Variants in MAST2 observed in about 807,000 individuals in gnomAD.
The protein encoded by MAST2 is microtubule-associated serine/threonine-protein kinase 2.
In MAST2, 70 loss-of-function variants were observed where a neutral mutation model predicts 147.4. The observed-to-expected ratio is 0.47, with a 90% CI of 0.39 to 0.58. The LOEUF is 0.58. Ranked by LOEUF, MAST2 falls within the 20% of genes least tolerant of loss-of-function variation. The pLI is 0.00. For synonymous variants in MAST2, 869 were observed against 896.8 expected (o/e 0.97, Z 0.55); for missense variants, 2,080 against 2,302.3 (o/e 0.90, Z 1.98).
chr1:45,952,235 A>T (rs1659032694), intron 4 of MAST2, among the ~76,000 whole-genome samples: 2 of 152,368 alleles, frequency 1.3e-5, no homozygotes, highest in East Asian at 1.9e-4. Context: ...TGCATGCCAC[A>T]ACATGCATGA....
At chr1:45,923,437 T>G (rs1653860210) in intron 4 of MAST2, among the ~76,000 whole-genome samples, 1 of 152,250 alleles carries the variant, frequency 6.6e-6, no homozygotes, top group Non-Finnish European at 1.5e-5. Context: ...TTACAAACTC[T>G]GAGCACTTAC....
chr1:45,872,287 C>CCCATAGTCA (rs1389414136), intron 3 of MAST2, among the ~76,000 whole-genome samples: 6 of 152,188 alleles, frequency 3.9e-5, no homozygotes, highest in Non-Finnish European at 8.8e-5. Flanking sequence ...ACGCTGGTGA[C>CCCATAGTCA]TGTTGACATA....
chr1:46,002,748 G>A (rs1264888957), intron 6 of MAST2, 57 bp from the exon 7 acceptor site: 1 of 1,501,098 alleles, frequency 6.7e-7, no homozygotes, highest in Non-Finnish European at 9.3e-7. Context: ...AGACAGGCAG[G>A]TTGTGGGTCA....
intron 24 of MAST2, 88 bp from the exon 25 acceptor site, chr1:46,032,090 G>T: frequency 9.9e-7 from 1 of 1,008,254 alleles, no homozygotes; most frequent in South Asian, 1.4e-5. Flanking sequence ...CTCTGTCTGT[G>T]ACTAGAGTTG....
intron 3 of MAST2, among the ~76,000 whole-genome samples, chr1:45,848,799 T>C (rs1054419693): frequency 9.9e-5 from 15 of 152,180 alleles, no homozygotes; most frequent in African/African-American, 3.6e-4. Context: ...TTATCCCTGT[T>C]TGTAGATGAC....
At chr1:46,010,119 C>G (rs950018248) in intron 9 of MAST2, among the ~76,000 whole-genome samples, 5 of 152,194 alleles carry the variant, frequency 3.3e-5, no homozygotes, top group African/African-American at 7.2e-5. Context: ...AAGCACCTGC[C>G]TAACTCCCTT....
intron 3 of MAST2, among the ~76,000 whole-genome samples, chr1:45,842,165 T>A (rs1645297960): frequency 6.6e-6 from 1 of 152,174 alleles, no homozygotes; most frequent in Non-Finnish European, 1.5e-5. Context: ...ACTGGGATTA[T>A]AGGAATGAGC....
intron 10 of MAST2, among the ~76,000 whole-genome samples, chr1:46,012,954 T>C (rs1645776287): frequency 6.6e-6 from 1 of 152,006 alleles, no homozygotes; most frequent in South Asian, 2.1e-4. Context: ...AATGACCAGC[T>C]GGCAGATGAA....
At position 46,030,625 on chromosome 1, in the gene MAST2, C is replaced by T. The variant is rs767311270; in HGVS notation, c.2572C>T (p.Arg858Trp). 80 of 1,610,174 alleles carry T rather than the reference C, an allele frequency of 5.0e-5. No homozygotes were observed. Among genetic ancestry groups the T allele is most frequent in the Middle Eastern group, 1.7e-4 (1 of 6,050 alleles). The change falls in exon 22 of 29, where the codon CGG (arginine) becomes TGG (tryptophan). Residue 858 changes from arginine (R) to tryptophan (W), a missense_variant. This residue lies in a region of MAST2 where 1,278 missense variants were observed against 1,304.2 expected (regional missense o/e 0.98). Coordinates refer to ENST00000361297, the MANE Select transcript of MAST2 (RefSeq NM_015112.3). ...RFNKVYSSME[R>W]LSLLEERRTP... is the part of the protein sequence containing the mutation. ...CCCACAGGTGTACAGCAGCATGGAG[C>T]GGCTCTCACTGCTCGAGGAGCGCCG...
At chr1:45,956,774 A>G (rs1273893905) in intron 4 of MAST2, among the ~76,000 whole-genome samples, 3 of 152,190 alleles carry the variant, frequency 2.0e-5, no homozygotes, top group African/African-American at 7.2e-5. Context: ...TCAGCCAGCT[A>G]TTGGTTATTT....
chr1:46,032,552 C>T (rs746841451), intron 25 of MAST2, 44 bp from the exon 26 acceptor site: 11 of 1,606,478 alleles, frequency 6.8e-6, no homozygotes, highest in South Asian at 3.3e-5. Flanking sequence ...CCCCATACTT[C>T]GTGTTCAGGC....
chr1:45,872,671 G>T (rs1646445539), intron 3 of MAST2, among the ~76,000 whole-genome samples: 1 of 152,072 alleles, frequency 6.6e-6, no homozygotes, highest in South Asian at 2.1e-4. Context: ...AGAAGAGACG[G>T]GGTTTCTCCA....
At chr1:45,985,196 C>T (rs1387296650) in intron 5 of MAST2, among the ~76,000 whole-genome samples, 2 of 151,862 alleles carry the variant, frequency 1.3e-5, no homozygotes, top group African/African-American at 2.4e-5. Flanking sequence ...TCAACCTCAA[C>T]CTCCTGAGAA....
At chr1:45,991,148 T>C (rs1183221429) in intron 5 of MAST2, among the ~76,000 whole-genome samples, 1 of 152,214 alleles carries the variant, frequency 6.6e-6, no homozygotes, top group Non-Finnish European at 1.5e-5. Flanking sequence ...AATGAGAATA[T>C]ATATTTTCTT....
In MAST2 at chr1:46,031,200, G is replaced by C. The variant is rs755002864; in HGVS notation, c.2902G>C (p.Gly968Arg). 3 of 1,565,756 alleles carry C rather than the reference G, an allele frequency of 1.9e-6. No individual in the cohort carries two copies. The highest frequency in any genetic ancestry group is 2.6e-6 in the Non-Finnish European group (3 of 1,152,638). ...IWVLTPPSGE[G>R]VSGPVTEHSG... Reference sequence around the variant, plus strand: ...GGTCCTGACACCCCCATCTGGAGAGGGGGTATCTGGGCCTGTCACTGAACA... The same window carrying C: ...GGTCCTGACACCCCCATCTGGAGAGCGGGTATCTGGGCCTGTCACTGAACA... Residue 968 changes from glycine (G) to arginine (R), a missense_variant, in exon 23 of 29, where the codon GGG (glycine) becomes CGG (arginine). Gly to Arg is a moderately radical substitution (Grantham distance 125, BLOSUM62 -2). Coordinates refer to ENST00000361297, the MANE Select transcript of MAST2 (RefSeq NM_015112.3). This position sits in a 1 kb window ranked among gnomAD's most constrained non-coding sequence, Gnocchi z 4.1.
chr1:45,887,336 G>A (rs1647140694), intron 4 of MAST2, among the ~76,000 whole-genome samples: 1 of 152,202 alleles, frequency 6.6e-6, no homozygotes, highest in Non-Finnish European at 1.5e-5. Context: ...ACAGACTGTA[G>A]GAGTGGAGAG....
At chr1:45,880,456 T>A (rs887566425) in intron 3 of MAST2, among the ~76,000 whole-genome samples, 1 of 152,210 alleles carries the variant, frequency 6.6e-6, no homozygotes, top group East Asian at 1.9e-4. Context: ...TCTGGATTGA[T>A]GGACATGTTC....
At chr1:46,018,663 G>A (rs909373193) in intron 10 of MAST2, among the ~76,000 whole-genome samples, 8 of 152,082 alleles carry the variant, frequency 5.3e-5, no homozygotes, top group African/African-American at 1.4e-4. Flanking sequence ...CCACACTGAC[G>A]TTAACAGTTG....
At chr1:45,976,806 G>A (rs1376019204) in intron 5 of MAST2, among the ~76,000 whole-genome samples, 2 of 152,218 alleles carry the variant, frequency 1.3e-5, no homozygotes, top group Non-Finnish European at 2.9e-5. Context: ...TCAGTGGCAT[G>A]TGGATTGATT....
Sources: gnomAD v4.1 joint callset for allele counts (sites outside exome capture counted in the v4.1 genomes callset) on GRCh38, gnomAD v4.1.1 for gene constraint, gnomAD v4.1.1 regional missense constraint, Gnocchi (gnomAD v3.1) non-coding constraint, MANE v1.5 for transcripts, NCBI Gene and HGNC (gene_info 2026-07-23, HGNC 2026-07-21) for gene names.